Variants in SCFD2 observed in about 807,000 individuals in gnomAD.
The protein encoded by SCFD2 is sec1 family domain containing 2, also known as sec1 family domain-containing protein 2.
In SCFD2, 54 loss-of-function variants were observed where a neutral mutation model predicts 58.9. That is an observed-to-expected ratio of 0.92 (90% confidence interval 0.74 to 1.15). The LOEUF is 1.15. Among genes scored for constraint, SCFD2 ranks in the 50% most tolerant of loss-of-function variants. The pLI, the probability that SCFD2 is intolerant of heterozygous loss-of-function variation, is 0.00. For missense variants in SCFD2, 805 were observed against 836.6 expected, an observed-to-expected ratio of 0.96 and a Z score of 0.47; for synonymous variants, 321 against 335.9, an observed-to-expected ratio of 0.96 and a Z score of 0.49.
At chr4:53,255,433 T>C (rs531939422) in intron 4 of SCFD2, among the ~76,000 whole-genome samples, 65 of 152,160 alleles carry the variant, frequency 4.3e-4, no homozygotes, top group African/African-American at 1.6e-3. Flanking sequence ...CATGCTGCCT[T>C]CAAGCATCTG....
intron 5 of SCFD2, among the ~76,000 whole-genome samples, chr4:53,136,385 T>G (rs559528048): frequency 6.6e-6 from 1 of 152,178 alleles, no homozygotes; most frequent in Non-Finnish European, 1.5e-5. Context: ...GTTGAGAACA[T>G]TTCCATCAAT....
intron 5 of SCFD2, among the ~76,000 whole-genome samples, chr4:53,130,923 G>A (rs1390707090): frequency 2.0e-5 from 3 of 152,108 alleles, no homozygotes; most frequent in South Asian, 2.1e-4. Context: ...GCTGTTGGGC[G>A]CCTGCCCCAA....
chr4:53,285,109 A>G (rs1455548348), intron 3 of SCFD2, among the ~76,000 whole-genome samples: 1 of 152,236 alleles, frequency 6.6e-6, no homozygotes, highest in Non-Finnish European at 1.5e-5. Context: ...TAACTGCTGC[A>G]GGATCCGGAG....
At chr4:53,113,472 G>T (rs1261588217) in intron 5 of SCFD2, among the ~76,000 whole-genome samples, 1 of 152,076 alleles carries the variant, frequency 6.6e-6, no homozygotes, top group African/African-American at 2.4e-5. Flanking sequence ...GCATAAGCAA[G>T]AAATAAGTTT....
At chr4:52,895,639 C>T (rs1718988392) in intron 7 of SCFD2, among the ~76,000 whole-genome samples, 1 of 152,168 alleles carries the variant, frequency 6.6e-6, no homozygotes, top group African/African-American at 2.4e-5. Flanking sequence ...CACACGTGTG[C>T]ATGTGTCTTT....
chr4:53,195,818 G>T (rs1401732478), intron 4 of SCFD2, among the ~76,000 whole-genome samples: 2 of 152,064 alleles, frequency 1.3e-5, no homozygotes, highest in African/African-American at 4.8e-5. Flanking sequence ...CATTTCTATG[G>T]CAATTTCCAA....
chr4:53,058,146 T>C (rs879453797), intron 5 of SCFD2, among the ~76,000 whole-genome samples: 6 of 152,172 alleles, frequency 3.9e-5, no homozygotes, highest in Admixed American at 2.6e-4. Context: ...AATTTTAACA[T>C]TCTATCTTAA....
intron 5 of SCFD2, among the ~76,000 whole-genome samples, chr4:53,103,706 T>C (rs1325416672): frequency 7.0e-6 from 1 of 142,488 alleles, no homozygotes; most frequent in African/African-American, 2.6e-5. Flanking sequence ...AATAGCTGAT[T>C]CTAGGACAAA....
chr4:53,152,807 G>C (rs1201342518), intron 4 of SCFD2, among the ~76,000 whole-genome samples: 2 of 152,148 alleles, frequency 1.3e-5, no homozygotes, highest in Admixed American at 1.3e-4. Context: ...TTGGGTAGAT[G>C]TTCCCATTCC....
chr4:53,224,374 G>C (rs1348959473), intron 4 of SCFD2, among the ~76,000 whole-genome samples: 1 of 127,286 alleles, frequency 7.9e-6, no homozygotes, highest in African/African-American at 3.0e-5. Context: ...GGGCAACAGA[G>C]CAAGACTCCG....
At chr4:53,218,951 C>A (rs572548770) in intron 4 of SCFD2, among the ~76,000 whole-genome samples, 1 of 152,152 alleles carries the variant, frequency 6.6e-6, no homozygotes, top group African/African-American at 2.4e-5. Context: ...TGCAGAACAG[C>A]GAATATTGCT....
At chr4:53,179,213 T>C (rs1374789377) in intron 4 of SCFD2, among the ~76,000 whole-genome samples, 1 of 151,974 alleles carries the variant, frequency 6.6e-6, no homozygotes, top group Non-Finnish European at 1.5e-5. Context: ...TTCACCAAAG[T>C]TGAAATGAAG....
chr4:53,252,099 CAGAG>C (rs1560412634), intron 4 of SCFD2, among the ~76,000 whole-genome samples: 3 of 149,070 alleles, frequency 2.0e-5, no homozygotes, highest in African/African-American at 7.4e-5. Flanking sequence ...AACAGACAAA[CAGAG>C]AGCCAAATCA....
intron 5 of SCFD2, among the ~76,000 whole-genome samples, chr4:53,032,319 C>A (rs1350618339): frequency 2.6e-5 from 4 of 152,116 alleles, no homozygotes; most frequent in Non-Finnish European, 5.9e-5. Context: ...CAATCGGTAC[C>A]AGCCACTGCA....
At chr4:52,984,266 T>G (rs1721440884) in intron 5 of SCFD2, among the ~76,000 whole-genome samples, 1 of 152,214 alleles carries the variant, frequency 6.6e-6, no homozygotes, top group South Asian at 2.1e-4. Flanking sequence ...AGGGTTGAAG[T>G]TGAACATTTA....
chr4:52,948,333 C>G (rs2930106), intron 5 of SCFD2: 1 of 290,314 alleles, frequency 3.4e-6, no homozygotes, highest in Non-Finnish European at 7.0e-6. Flanking sequence ...CCCCAAAGAC[C>G]GGGAAGTAAT....
Position 53,172,676 on chromosome 4 carries a change from T to C in SCFD2, c.1312-27094A>G, listed in dbSNP as rs1727214791. On this transcript the variant is annotated intron_variant, in intron 4 of 8. Coordinates refer to ENST00000401642, the MANE Select transcript of SCFD2 (RefSeq NM_152540.4). ...CAAGATTTTTCCTGTTACTGATTTC[T>C]AGTTTTATATCATCATAATCAGAAA... Among the ~76,000 whole-genome samples the C allele has an allele frequency of 2.6e-5, 4 of 152,308 alleles. No individual in the cohort carries two copies. The South Asian group carries it at 8.3e-4, about 32-fold the overall frequency.
chr4:52,883,233 G>A (rs544236484), intron 8 of SCFD2, among the ~76,000 whole-genome samples: 7 of 152,232 alleles, frequency 4.6e-5, no homozygotes, highest in Non-Finnish European at 8.8e-5. Flanking sequence ...AGAGTTTGCT[G>A]TAGGGCCAGG....
chr4:53,314,621 T>C (rs754864428), intron 2 of SCFD2, among the ~76,000 whole-genome samples: 4 of 152,366 alleles, frequency 2.6e-5, no homozygotes, highest in Admixed American at 2.6e-4. Context: ...CTCACTCTCC[T>C]ACTATCCACT....
Sources: allele counts gnomAD v4.1 joint callset (sites outside exome capture counted in the v4.1 genomes callset), GRCh38; gene constraint gnomAD v4.1.1; transcripts MANE v1.5; gene names NCBI Gene and HGNC (gene_info 2026-07-23, HGNC 2026-07-21).